The following PRR5L variants were observed in gnomAD, a reference collection of about 807,000 sequenced individuals.
The protein encoded by PRR5L is proline-rich protein 5-like.
A neutral mutation model predicts 36.4 loss-of-function variants in PRR5L; 21 were observed. The observed-to-expected ratio is 0.58, with a 90% confidence interval of 0.41 to 0.83. The LOEUF (loss-of-function observed/expected upper bound fraction) is 0.83. Among genes scored for constraint, PRR5L ranks in the 40% least tolerant of loss-of-function variants. The pLI is 0.00. For synonymous variants in PRR5L, 188 were observed against 197.0 expected, an observed-to-expected ratio of 0.95 and a Z score of 0.38; for missense variants, 381 against 473.3, an observed-to-expected ratio of 0.80 and a Z score of 1.81.
Position 36,464,534 on chromosome 11 carries a change from T to C in PRR5L, c.*1798T>C, listed in dbSNP as rs540811866. 2 of 151,724 alleles carry C rather than the reference T, an allele frequency of 1.3e-5. No individual in the cohort carries two copies. Among genetic ancestry groups the C allele is most frequent in the Non-Finnish European group, 2.9e-5 (2 of 68,020 alleles). 9.4% of individuals were successfully genotyped at this position (151,724 alleles called of 1,614,324 possible). A position where few individuals can be genotyped will look rare whatever the true frequency, so the allele number is the denominator to read the frequency against. On this transcript the variant is annotated 3_prime_UTR_variant, in exon 9 of 9. Transcript: ENST00000530639. ...TGAGAGTTTCAAACAAACAAAAAAA[T>C]AATCTCTATGTATGTGTTGGATAAA...
intron 1 of PRR5L, among the ~76,000 whole-genome samples, chr11:36,308,134 G>A (rs573921193): frequency 6.6e-6 from 1 of 152,334 alleles, no homozygotes; most frequent in African/African-American, 2.4e-5. Flanking sequence ...TAGGAAGAAA[G>A]AGGGGAAATG....
chr11:36,346,776 T>G (rs1184438138), intron 1 of PRR5L, among the ~76,000 whole-genome samples: 2 of 152,110 alleles, frequency 1.3e-5, no homozygotes, highest in African/African-American at 4.8e-5. Flanking sequence ...CCACAATGTT[T>G]ACTTAAATGA....
At chr11:36,351,755 A>ATT in intron 1 of PRR5L, among the ~76,000 whole-genome samples, 2 of 38,864 alleles carry the variant, frequency 5.1e-5, no homozygotes, top group African/African-American at 1.1e-4. Flanking sequence ...TAATTTATAT[A>ATT]TATTTATATA....
Position 36,344,253 on chromosome 11 carries a change from A to G in PRR5L, c.-126+47815A>G, listed in dbSNP as rs1447013996. Reference sequence around the variant, plus strand: ...AAAATCACATGCTCATAGAAAAATCAGAAAATATATAAATGTATGAAATAG... The same window carrying G: ...AAAATCACATGCTCATAGAAAAATCGGAAAATATATAAATGTATGAAATAG... On this transcript the variant is annotated intron_variant, in intron 1 of 8. Coordinates refer to ENST00000530639, the MANE Select transcript of PRR5L (RefSeq NM_001160167.2). This position sits in a 1 kb window ranked among gnomAD's most constrained non-coding sequence, Gnocchi z 4.1. Among the ~76,000 whole-genome samples the G allele has an allele frequency of 6.6e-6, 1 of 152,154 alleles. No homozygotes were observed. The highest frequency in any genetic ancestry group is 1.5e-5 in the Non-Finnish European group (1 of 68,020).
chr11:36,412,029 T>C (rs1210196608), intron 3 of PRR5L, among the ~76,000 whole-genome samples: 1 of 152,200 alleles, frequency 6.6e-6, no homozygotes, highest in Non-Finnish European at 1.5e-5. Flanking sequence ...ATTTTACTTG[T>C]GCAGTAATCC....
chr11:36,319,392 C>T (rs750054512), intron 1 of PRR5L, among the ~76,000 whole-genome samples: 14 of 152,242 alleles, frequency 9.2e-5, no homozygotes, highest in Non-Finnish European at 1.6e-4. Flanking sequence ...GAAATGTCAT[C>T]TGAGTCCCTT....
chr11:36,324,889 G>A (rs1001233966), intron 1 of PRR5L, among the ~76,000 whole-genome samples: 10 of 152,112 alleles, frequency 6.6e-5, no homozygotes, highest in African/African-American at 2.4e-4. Flanking sequence ...AAGTCTGACT[G>A]TAGGGTGCCA....
intron 7 of PRR5L, among the ~76,000 whole-genome samples, chr11:36,447,303 G>A (rs1362355263): frequency 6.6e-6 from 1 of 152,216 alleles, no homozygotes; most frequent in African/African-American, 2.4e-5. Flanking sequence ...GGAAGAGGCA[G>A]TAAGATTTGG....
chr11:36,305,068 G>C (rs556566955), intron 1 of PRR5L, among the ~76,000 whole-genome samples: 1 of 152,108 alleles, frequency 6.6e-6, no homozygotes, highest in African/African-American at 2.4e-5. Context: ...ACAAAAATTC[G>C]TTTAGAAATG....
chr11:36,401,051 G>A lies in PRR5L; in HGVS notation c.-71G>A. The A allele has an allele frequency of 6.4e-7, 1 of 1,574,606 alleles. No homozygotes were observed. The highest frequency in any genetic ancestry group is 1.2e-5 in the South Asian group (1 of 85,440). ...GCCTGAGGGCCTGAAGGCAGCCCCT[G>A]GAGAAGCCCTTTCCGAGGGCATTCG... is the stretch of plus-strand genomic sequence containing the variant. On this transcript the variant is annotated 5_prime_UTR_variant, in exon 2 of 9. Transcript: ENST00000530639.
intron 1 of PRR5L, among the ~76,000 whole-genome samples, chr11:36,365,682 C>T (rs1379790632): frequency 6.6e-6 from 1 of 152,142 alleles, no homozygotes; most frequent in Non-Finnish European, 1.5e-5. Flanking sequence ...AAATGCCCAT[C>T]TAGGATAGCT....
At chr11:36,325,215 G>C (rs1856648662) in intron 1 of PRR5L, among the ~76,000 whole-genome samples, 2 of 152,208 alleles carry the variant, frequency 1.3e-5, no homozygotes, top group Admixed American at 1.3e-4. Context: ...GCTCGATTAC[G>C]ACCAACCCGG....
chr11:36,324,207 T>G (rs887328410), intron 1 of PRR5L, among the ~76,000 whole-genome samples: 11 of 152,142 alleles, frequency 7.2e-5, no homozygotes, highest in Non-Finnish European at 1.5e-4. Context: ...TTCTATACAG[T>G]TAGTACAAAA....
intron 1 of PRR5L, among the ~76,000 whole-genome samples, chr11:36,356,243 T>C (rs1297785253): frequency 6.6e-6 from 1 of 152,070 alleles, no homozygotes; most frequent in African/African-American, 2.4e-5. Context: ...TATCAAAGCT[T>C]CTGTATTATT....
At chr11:36,431,776 A>G in intron 4 of PRR5L, 77 bp from the exon 5 acceptor site, 1 of 1,361,016 alleles carries the variant, frequency 7.3e-7, no homozygotes, top group Non-Finnish European at 1.1e-6. Flanking sequence ...GCCCTTGCCC[A>G]CTGGAAGTGG....
intron 1 of PRR5L, among the ~76,000 whole-genome samples, chr11:36,358,678 A>G (rs1245613629): frequency 1.3e-5 from 2 of 152,208 alleles, no homozygotes; most frequent in East Asian, 3.8e-4. Context: ...CCTGTATATA[A>G]CTTCCAAGAA....
At chr11:36,446,271 CCCGG>C in intron 6 of PRR5L, 25 bp from the exon 7 acceptor site, 1 of 1,610,406 alleles carries the variant, frequency 6.2e-7, no homozygotes, top group Non-Finnish European at 8.5e-7. Context: ...GCTCTCACCT[CCCGG>C]CCCTCTCTCC....
intron 4 of PRR5L, among the ~76,000 whole-genome samples, chr11:36,429,389 T>C (rs6484855): frequency 0.53 from 79,992 of 151,986 alleles, 22,043 homozygotes; most frequent in Non-Finnish European, 0.6. Context: ...AAATGAGATA[T>C]GGTCCTCACT....
chr11:36,376,018 C>T (rs530459961), intron 1 of PRR5L: 3 of 498,366 alleles, frequency 6.0e-6, no homozygotes, highest in Non-Finnish European at 1.0e-5. Context: ...GCAGCTGGGC[C>T]GGGGGCGGGG....
Sources: allele counts gnomAD v4.1 joint callset (sites outside exome capture counted in the v4.1 genomes callset), GRCh38; gene constraint gnomAD v4.1.1; non-coding constraint Gnocchi (gnomAD v3.1); transcripts MANE v1.5; gene names NCBI Gene and HGNC (gene_info 2026-07-23, HGNC 2026-07-21).